RYR3: variants seen among roughly 807,000 people sequenced by gnomAD.
RYR3 encodes the protein brain ryanodine receptor-calcium release channel.
RYR3 carries 207 observed loss-of-function variants against 584.3 expected under a neutral mutation model. The observed-to-expected ratio is 0.35, with a 90% CI of 0.32 to 0.40. The LOEUF (loss-of-function observed/expected upper bound fraction) is 0.40, where lower values mean the gene tolerates loss of function less well. Among genes scored for constraint, RYR3 ranks in the 10% least tolerant of loss-of-function variants. The pLI is 1.00. For synonymous variants in RYR3, 2,416 were observed against 2,248.5 expected (o/e 1.07, Z -2.11); for missense variants, 5,616 against 6,089.2 (o/e 0.92, Z 2.59).
chr15:33,696,404 A>T lies in RYR3; in HGVS notation c.6047A>T (p.Asn2016Ile), dbSNP rs942844610. Residue 2016 changes from asparagine to isoleucine, a missense_variant, in exon 39 of 104, where the codon AAC becomes ATC. By Grantham distance (149) the Asn-to-Ile change is moderately radical. Around this residue, in one of 9 missense-constraint regions of RYR3, gnomAD observed 1,280 missense variants for 1,426.2 expected, o/e 0.90. Transcript: ENST00000634891. ...ISHTSVSDTI[N>I]LLAALGQIRS... ...CACACCTCTGTAAGCGACACCATCA[A>T]CCTGCTGGCTGCCCTGGGCCAAATC... The T allele has an allele frequency of 1.2e-6, 2 of 1,613,858 alleles. No homozygotes were observed. The highest frequency in any genetic ancestry group is 4.5e-5 in the East Asian group (2 of 44,848).
intron 1 of RYR3, among the ~76,000 whole-genome samples, chr15:33,422,825 C>T (rs1252953304): frequency 2.0e-5 from 3 of 152,080 alleles, no homozygotes; most frequent in Non-Finnish European, 2.9e-5. Context: ...CTGCAGAAAG[C>T]CATTGAATTG....
intron 1 of RYR3, among the ~76,000 whole-genome samples, chr15:33,450,642 G>A (rs566767930): frequency 2.8e-4 from 43 of 151,392 alleles, no homozygotes; most frequent in Non-Finnish European, 5.2e-4. Flanking sequence ...TATGGGCTAC[G>A]TATGTATCTT....
rs757536020 is a variant in RYR3 at position 33,837,760 on chromosome 15, C to G, written c.11780C>G (p.Thr3927Ser). Residue 3927 changes from threonine to serine, a missense_variant, in exon 89 of 104, where the codon ACC (threonine) becomes AGC (serine). Thr to Ser is a moderately conservative substitution (Grantham distance 58). This residue lies in a region of RYR3 where 258 missense variants were observed against 297.3 expected (regional missense o/e 0.87). Transcript: ENST00000634891. ...LKLKDLTSSDTFKEYDPDGKG... is the reference protein window; with the variant it reads ...LKLKDLTSSDSFKEYDPDGKG... ...CTTAAAGACTTAACCAGCTCAGACA[C>G]CTTCAAAGAATATGACCCAGATGGT... The G allele has an allele frequency of 6.2e-7, 1 of 1,613,836 alleles. No homozygotes were observed. Among genetic ancestry groups the G allele is most frequent in the Non-Finnish European group, 8.5e-7 (1 of 1,179,846 alleles).
intron 21 of RYR3, 107 bp downstream of exon 21, chr15:33,628,682 C>T: frequency 1.4e-6 from 1 of 701,798 alleles, no homozygotes; most frequent in Non-Finnish European, 2.5e-6. Flanking sequence ...TAGTTAGGAA[C>T]ACTGAGGAGA....
In RYR3 at chr15:33,725,976, C is replaced by CGCCCAAAA. The variant is rs1555427643; in HGVS notation, c.6913-410_6913-409insGCCCAAAA. On this transcript the variant is annotated intron_variant, in intron 45 of 103. Coordinates refer to ENST00000634891, the MANE Select transcript of RYR3 (RefSeq NM_001036.6). ...CAGAGCAAGACTCCATCCCCCCCCC[C>CGCCCAAAA]AAAAAAAAAAAAAAAAAAAAACAGA... 1.6e-4 allele frequency among the ~76,000 whole-genome samples: 5 copies of CGCCCAAAA among 31,516 alleles called. 1 individual carries two copies. Among genetic ancestry groups the CGCCCAAAA allele is most frequent in the Non-Finnish European group, 3.0e-4 (5 of 16,876 alleles). 20.7% of individuals were successfully genotyped at this position (31,516 alleles called of 152,430 possible).
chr15:33,865,018 T>TCATATAAATTCACATCAGTCTTC, intron 103 of RYR3, 113 bp from the exon 104 acceptor site: 1 of 716,456 alleles, frequency 1.4e-6, no homozygotes, highest in African/African-American at 1.8e-5. Flanking sequence ...AGGTTTGGCC[T>TCATATAAATTCACATCAGTCTTC]CATATAAATT....
Position 33,669,349 on chromosome 15 carries a change from C to G in RYR3, c.5620-5C>G, listed in dbSNP as rs80354707. On this transcript the variant is annotated splice_region_variant and splice_polypyrimidine_tract_variant and intron_variant, in intron 36 of 103. Coordinates refer to ENST00000634891, the MANE Select transcript of RYR3 (RefSeq NM_001036.6). ...AACTAGCTATTCTTCTCTTGCCTCT[C>G]AAAGATCAACATGCTGCTTAACTTT... is the stretch of plus-strand genomic sequence containing the variant. 1.2e-3 allele frequency: 1,936 copies of G among 1,613,538 alleles called. 24 individuals are homozygous for G. In the African/African-American group the frequency reaches 0.023, roughly 19 times the overall value.
intron 52 of RYR3, among the ~76,000 whole-genome samples, chr15:33,744,917 C>G (rs1313131554): frequency 6.6e-6 from 1 of 152,096 alleles, no homozygotes; most frequent in Non-Finnish European, 1.5e-5. Context: ...GTAGTGTGCC[C>G]ACAAATGATT....
intron 2 of RYR3, among the ~76,000 whole-genome samples, chr15:33,475,266 T>C (rs2049275586): frequency 6.6e-6 from 1 of 152,162 alleles, no homozygotes; most frequent in South Asian, 2.1e-4. Flanking sequence ...ACAAGTGGTA[T>C]CCTTTTCTAG....
At chr15:33,627,468 G>C (rs774417707) in intron 20 of RYR3, among the ~76,000 whole-genome samples, 4 of 152,182 alleles carry the variant, frequency 2.6e-5, no homozygotes, top group African/African-American at 4.8e-5. Flanking sequence ...GTATTTGCCA[G>C]GTGCTGAGGA....
At chr15:33,456,995 T>C (rs566921732) in intron 1 of RYR3, among the ~76,000 whole-genome samples, 1 of 152,320 alleles carries the variant, frequency 6.6e-6, no homozygotes, top group African/African-American at 2.4e-5. Flanking sequence ...GTTCGACAAA[T>C]AGGTAGCTAC....
intron 12 of RYR3, among the ~76,000 whole-genome samples, chr15:33,576,897 C>G (rs764965578): frequency 1.3e-5 from 2 of 152,160 alleles, no homozygotes; most frequent in Non-Finnish European, 1.5e-5. Context: ...GCTTCTTAAG[C>G]TGATAAGCAA....
At chr15:33,360,151 A>G (rs1387729332) in intron 1 of RYR3, among the ~76,000 whole-genome samples, 1 of 152,120 alleles carries the variant, frequency 6.6e-6, no homozygotes, top group Non-Finnish European at 1.5e-5. Context: ...AAATTTTGAG[A>G]TATCACTTGA....
chr15:33,601,344 C>T (rs546595257), intron 16 of RYR3, 75 bp from the exon 17 acceptor site: 205 of 1,478,342 alleles, frequency 1.4e-4, no homozygotes, highest in Non-Finnish European at 1.9e-4. Flanking sequence ...GACTCCTTCC[C>T]TCATGCATTG....
intron 55 of RYR3, among the ~76,000 whole-genome samples, 187 bp downstream of exon 55, chr15:33,748,717 G>A (rs751794960): frequency 6.6e-6 from 1 of 152,128 alleles, no homozygotes; most frequent in Non-Finnish European, 1.5e-5. Context: ...TCCTCCAAGG[G>A]GAGGCTTTGC....
chr15:33,523,315 C>T (rs909538420), intron 3 of RYR3, among the ~76,000 whole-genome samples: 7 of 152,170 alleles, frequency 4.6e-5, no homozygotes, highest in East Asian at 1.9e-4. Context: ...TTGCTTTTCA[C>T]GGTAAATCTT....
At chr15:33,553,455 G>A (rs1297317350) in intron 10 of RYR3, among the ~76,000 whole-genome samples, 1 of 152,158 alleles carries the variant, frequency 6.6e-6, no homozygotes, top group Non-Finnish European at 1.5e-5. Context: ...CATCTTGTAT[G>A]TGCATAAGAT....
At chr15:33,489,102 G>A (rs1363070352) in intron 2 of RYR3, among the ~76,000 whole-genome samples, 1 of 152,160 alleles carries the variant, frequency 6.6e-6, no homozygotes, top group Non-Finnish European at 1.5e-5. Context: ...TCTCAGGCCT[G>A]AATTTTGCTA....
chr15:33,386,986 T>A (rs932602900), intron 1 of RYR3, among the ~76,000 whole-genome samples: 2 of 151,748 alleles, frequency 1.3e-5, no homozygotes, highest in African/African-American at 4.8e-5. Context: ...GCCTCCTGAG[T>A]AGCTGGGACT....
Sources: allele counts gnomAD v4.1 joint callset (sites outside exome capture counted in the v4.1 genomes callset), GRCh38; gene constraint gnomAD v4.1.1; regional missense constraint gnomAD v4.1.1; transcripts MANE v1.5; gene names NCBI Gene and HGNC (gene_info 2026-07-23, HGNC 2026-07-21).